Variants in NEDD9 observed in about 807,000 individuals in gnomAD.
The protein encoded by NEDD9 is enhancer of filamentation 1.
Under a neutral mutation model 76.6 loss-of-function variants are expected in NEDD9, and 26 were observed. The observed-to-expected ratio is 0.34, with a 90% CI of 0.25 to 0.47. The LOEUF is 0.47. Among genes scored for constraint, NEDD9 ranks in the 20% least tolerant of loss-of-function variants. The probability of loss-of-function intolerance (pLI) is 1.00; values close to 1 mark genes in which losing one functional copy is unlikely to be tolerated. For missense variants in NEDD9, 937 were observed against 1,058.5 expected (o/e 0.89, Z 1.59); for synonymous variants, 392 against 414.2 (o/e 0.95, Z 0.65).
At chr6:11,212,138 T>C (rs941834066) in intron 2 of NEDD9, among the ~76,000 whole-genome samples, 2 of 152,364 alleles carry the variant, frequency 1.3e-5, no homozygotes, top group Admixed American at 6.5e-5. Flanking sequence ...GCAGGACACA[T>C]CTATAGTTAG....
intron 1 of NEDD9, chr6:11,214,285 C>T: frequency 4.1e-6 from 2 of 487,304 alleles, no homozygotes; most frequent in Middle Eastern, 3.3e-4. Context: ...TGACAGGAGC[C>T]TTGGATCCAG....
intron 2 of NEDD9, among the ~76,000 whole-genome samples, chr6:11,321,312 A>C (rs899478362): frequency 6.6e-6 from 1 of 152,186 alleles, no homozygotes; most frequent in African/African-American, 2.4e-5. Flanking sequence ...CGATGGTTTG[A>C]GAGGTGAAGG....
chr6:11,191,274 C>G (rs779006537), intron 4 of NEDD9, 69 bp from the exon 5 acceptor site: 5 of 1,491,540 alleles, frequency 3.4e-6, no homozygotes, highest in Non-Finnish European at 4.5e-6. Flanking sequence ...GTCCCATGTG[C>G]TCAGTCCTAT....
chr6:11,218,840 C>T (rs930229000), intron 1 of NEDD9, among the ~76,000 whole-genome samples: 9 of 152,142 alleles, frequency 5.9e-5, no homozygotes, highest in African/African-American at 1.9e-4. Flanking sequence ...AGGGCCTGCC[C>T]CTCCCTATTT....
chr6:11,288,779 C>A (rs1373495934), intron 3 of NEDD9, among the ~76,000 whole-genome samples: 1 of 152,228 alleles, frequency 6.6e-6, no homozygotes, highest in East Asian at 1.9e-4. Flanking sequence ...TGGCATTCTG[C>A]TCACTGACTT....
intron 1 of NEDD9, among the ~76,000 whole-genome samples, chr6:11,221,329 G>A (rs1360519804): frequency 6.6e-6 from 1 of 151,076 alleles, no homozygotes; most frequent in Non-Finnish European, 1.5e-5. Flanking sequence ...GTTGCAGTGA[G>A]CTGAGATCAC....
chr6:11,319,736 A>G (rs1407884333), intron 2 of NEDD9, among the ~76,000 whole-genome samples: 4 of 112,502 alleles, frequency 3.6e-5, no homozygotes, highest in Admixed American at 1.0e-4. Flanking sequence ...ACACACTAAC[A>G]TGCACACACA....
chr6:11,246,915 T>G (rs1024848050), intron 3 of NEDD9, among the ~76,000 whole-genome samples: 2 of 152,138 alleles, frequency 1.3e-5, no homozygotes, highest in Non-Finnish European at 2.9e-5. Flanking sequence ...GACATGTGAC[T>G]GTTCATGGCT....
At chr6:11,360,926 G>A (rs985823273) in intron 1 of NEDD9, among the ~76,000 whole-genome samples, 1 of 152,192 alleles carries the variant, frequency 6.6e-6, no homozygotes, top group African/African-American at 2.4e-5. Flanking sequence ...GCATAGAGCA[G>A]ACTGTCCACC....
At chr6:11,319,742 ACACACAC>A (rs2113466598) in intron 2 of NEDD9, among the ~76,000 whole-genome samples, 2 of 125,784 alleles carry the variant, frequency 1.6e-5, no homozygotes, top group African/African-American at 6.9e-5. Flanking sequence ...TAACATGCAC[ACACACAC>A]TAACATGCAC....
At chr6:11,340,280 T>C (rs1762246868) in intron 1 of NEDD9, among the ~76,000 whole-genome samples, 1 of 152,190 alleles carries the variant, frequency 6.6e-6, no homozygotes, top group South Asian at 2.1e-4. Context: ...GAATCAGAAT[T>C]GAGTGTGGTA....
At chr6:11,263,672 C>T (rs1760155028) in intron 3 of NEDD9, among the ~76,000 whole-genome samples, 2 of 152,112 alleles carry the variant, frequency 1.3e-5, no homozygotes. Context: ...GTTTGGTTGG[C>T]TGGAAGGGTG....
intron 3 of NEDD9, among the ~76,000 whole-genome samples, chr6:11,247,817 A>G (rs1038680290): frequency 6.6e-6 from 1 of 152,258 alleles, no homozygotes; most frequent in African/African-American, 2.4e-5. Flanking sequence ...ACATGGAGTG[A>G]TAACAGCCAA....
intron 3 of NEDD9, among the ~76,000 whole-genome samples, chr6:11,248,351 A>C (rs1259648360): frequency 2.0e-5 from 3 of 152,216 alleles, no homozygotes; most frequent in African/African-American, 7.2e-5. Flanking sequence ...TACATATGGA[A>C]CCTGATGCTC....
At position 11,252,062 on chromosome 6, in the gene NEDD9, C is replaced by T. The variant is rs577861993; in HGVS notation, c.13-38335G>A. Among the ~76,000 whole-genome samples the T allele has an allele frequency of 6.6e-6, 1 of 152,284 alleles. No homozygotes were observed. The highest frequency in any genetic ancestry group is 6.5e-5 in the Admixed American group (1 of 15,300). On this transcript the variant is annotated intron_variant, in intron 3 of 3. Coordinates refer to the NEDD9 transcript ENST00000397378. The surrounding 1 kb of genome is among the most constrained non-coding windows in gnomAD (Gnocchi z 4.3). ...CTCAGGGTTGAAGGCTGTGTCGATTCCTGTCACACACAGATTATATTTTGC... is the reference window on the plus strand; with the variant it reads ...CTCAGGGTTGAAGGCTGTGTCGATTTCTGTCACACACAGATTATATTTTGC...
In NEDD9 at chr6:11,205,249, G is replaced by C. The variant is rs534174889; in HGVS notation, c.459+8032C>G. On this transcript the variant is annotated intron_variant, in intron 2 of 6. Transcript: ENST00000379446. ...GCAAATGCTGTGAGGTGCACCTCAC[G>C]AGGCTGTGGAGAGGATCAGGTGGTA... Among the ~76,000 whole-genome samples the C allele has an allele frequency of 1.2e-4, 19 of 152,290 alleles. No individual in the cohort carries two copies. In the East Asian group the frequency reaches 3.7e-3, roughly 29 times the overall value.
In NEDD9 at chr6:11,245,168, G is replaced by T. The variant is rs114434881; in HGVS notation, c.13-31441C>A. On this transcript the variant is annotated intron_variant, in intron 3 of 3. Coordinates refer to the NEDD9 transcript ENST00000397378. Reference sequence around the variant, plus strand: ...TGTGAACTTGTGTGTGGGAGGAGAGGGAGACATGACCAAAAGGAGCATTTT... The same window carrying T: ...TGTGAACTTGTGTGTGGGAGGAGAGTGAGACATGACCAAAAGGAGCATTTT... Among the ~76,000 whole-genome samples the T allele has an allele frequency of 2.6e-3, 397 of 152,270 alleles. 1 individual carries two copies. Among genetic ancestry groups the T allele is most frequent in the African/African-American group, 9.2e-3 (382 of 41,558 alleles).
intron 1 of NEDD9, among the ~76,000 whole-genome samples, chr6:11,357,944 C>T (rs1762609093): frequency 6.6e-6 from 1 of 152,170 alleles, no homozygotes; most frequent in African/African-American, 2.4e-5. Context: ...CCTCCAGAGG[C>T]AGCCATTCAA....
chr6:11,230,523 G>A (rs1377922102), intron 1 of NEDD9, among the ~76,000 whole-genome samples: 1 of 152,150 alleles, frequency 6.6e-6, no homozygotes, highest in Non-Finnish European at 1.5e-5. Flanking sequence ...TTACTTTTGT[G>A]TCTCTCCTCT....
Sources: gnomAD v4.1 joint callset for allele counts (sites outside exome capture counted in the v4.1 genomes callset) on GRCh38, gnomAD v4.1.1 for gene constraint, Gnocchi (gnomAD v3.1) non-coding constraint, MANE v1.5 for transcripts, NCBI Gene and HGNC (gene_info 2026-07-23, HGNC 2026-07-21) for gene names.